Variants in KIF19 observed in about 807,000 individuals in gnomAD.
KIF19 encodes kinesin family member 19.
A neutral mutation model predicts 106.6 loss-of-function variants in KIF19; 98 were observed. The observed-to-expected ratio is 0.92, with a 90% confidence interval of 0.78 to 1.09. The LOEUF is 1.09. KIF19 is among the 50% of genes least tolerant of loss of function. The pLI is 0.00. For missense variants in KIF19, 1,373 were observed against 1,414.3 expected, an observed-to-expected ratio of 0.97 and a Z score of 0.47; for synonymous variants, 516 against 584.2, an observed-to-expected ratio of 0.88 and a Z score of 1.68.
Position 74,353,494 on chromosome 17 carries a change from GC to G in KIF19, c.2225del (p.Pro742ArgfsTer34). ...TCCTCCCAACCACTCCACCCCACAG[GC>G]CCCGGCTCAGGACAGCCTGGGCAGC... The part of the protein sequence containing the change: ...IQLGSLVTQE[A>X]PAQDSLGSWI... On this transcript the variant is annotated frameshift_variant and splice_region_variant, in exon 17 of 20. Coordinates refer to ENST00000389916, the MANE Select transcript of KIF19 (RefSeq NM_153209.4). LOFTEE classifies it high-confidence loss of function. 6.2e-7 allele frequency: 1 copy of G among 1,613,686 alleles called. No homozygotes were observed. Among genetic ancestry groups the G allele is most frequent in the African/African-American group, 1.3e-5 (1 of 75,028 alleles).
chr17:74,334,070 C>G (rs906150831), intron 2 of KIF19, among the ~76,000 whole-genome samples: 1 of 152,100 alleles, frequency 6.6e-6, no homozygotes, highest in Non-Finnish European at 1.5e-5. Flanking sequence ...AGCAATCCTC[C>G]TGCCTTGGCC....
Position 74,350,891 on chromosome 17 carries a change from C to G in KIF19, c.1573C>G (p.Leu525Val). The change falls in exon 12 of 20, where the codon CTG (leucine) becomes GTG (valine). Residue 525 changes from leucine (L) to valine (V), a missense_variant. Coordinates refer to ENST00000389916, the MANE Select transcript of KIF19 (RefSeq NM_153209.4). ...AGCCCTGGTGGACGAGCAGAAGCAACTGCGCAAGCAGAAGGTGTCCAGGGT... is the reference window on the plus strand; with the variant it reads ...AGCCCTGGTGGACGAGCAGAAGCAAGTGCGCAAGCAGAAGGTGTCCAGGGT... ...IAALVDEQKQLRKQKLALEQR... is the reference protein window; with the variant it reads ...IAALVDEQKQVRKQKLALEQR... 6.2e-7 allele frequency: 1 copy of G among 1,613,716 alleles called. No homozygotes were observed. The highest frequency in any genetic ancestry group is 8.5e-7 in the Non-Finnish European group (1 of 1,179,894).
chr17:74,339,508 G>A (rs1049097064), intron 2 of KIF19, among the ~76,000 whole-genome samples: 7 of 150,248 alleles, frequency 4.7e-5, no homozygotes, highest in Non-Finnish European at 1.0e-4. Context: ...TACCTCCCTC[G>A]CCCCCTTCCC....
At chr17:74,353,892 C>T (rs1015068191) in intron 17 of KIF19, among the ~76,000 whole-genome samples, 4 of 152,146 alleles carry the variant, frequency 2.6e-5, no homozygotes, top group South Asian at 2.1e-4. Flanking sequence ...TAGCAAATAT[C>T]GATTCAATGT....
chr17:74,337,129 C>T (rs1262039662), intron 2 of KIF19, among the ~76,000 whole-genome samples: 1 of 152,206 alleles, frequency 6.6e-6, no homozygotes, highest in Admixed American at 6.5e-5. Flanking sequence ...CCACCGTGCC[C>T]GGCAAGAGTG....
chr17:74,342,458 C>A (rs556831289), intron 3 of KIF19, among the ~76,000 whole-genome samples, 172 bp from the exon 4 acceptor site: 100 of 152,264 alleles, frequency 6.6e-4, no homozygotes, highest in African/African-American at 2.3e-3. Flanking sequence ...CTGACGTCCC[C>A]CACTGTGAGT....
Position 74,345,443 on chromosome 17 carries a change from T to A in KIF19, c.777+488T>A, listed in dbSNP as rs530253533. Among the ~76,000 whole-genome samples, 87 of 152,048 alleles carry A rather than the reference T, an allele frequency of 5.7e-4. 1 individual carries two copies. Among genetic ancestry groups the A allele is most frequent in the African/African-American group, 2.0e-3 (84 of 41,480 alleles). On this transcript the variant is annotated intron_variant, in intron 7 of 19. Transcript: ENST00000389916. The stretch of plus-strand genomic sequence containing the variant: ...CAGTCACATCACAAAGAGGAGAAGG[T>A]CCCCGTCACCCATTTCTGGCAGCAT...
At position 74,331,578 on chromosome 17, in the gene KIF19, ATTTT is replaced by A. The variant is rs5822040; in HGVS notation, c.120+3083_120+3086del. Among the ~76,000 whole-genome samples the A allele has an allele frequency of 2.8e-5, 4 of 145,382 alleles. No individual in the cohort carries two copies. The highest frequency in any genetic ancestry group is 4.5e-5 in the Non-Finnish European group (3 of 66,232). ...TGGGGAAGCTGGAGTTCGGATTTGG[ATTTT>A]TTTTTTTTTCTTGTGATGGAGTCTT... On this transcript the variant is annotated intron_variant, in intron 2 of 19. Coordinates refer to ENST00000389916, the MANE Select transcript of KIF19 (RefSeq NM_153209.4). The surrounding 1 kb of genome is among the most constrained non-coding windows in gnomAD (Gnocchi z 4.1).
chr17:74,340,555 G>GCACACGCACACACA, intron 2 of KIF19, among the ~76,000 whole-genome samples: 1 of 148,210 alleles, frequency 6.7e-6, no homozygotes, highest in South Asian at 2.2e-4. Flanking sequence ...ATGCGCGCGC[G>GCACACGCACACACA]TACACACACA....
rs373748715 is a variant in KIF19, at chr17:74,343,235, C to T, written c.456+75C>T. ...CTGGTCACTGTGCAGCTTCCCGGGG[C>T]GCTCATCACTGCTGCCCTCCTGCAT... On this transcript the variant is annotated intron_variant, in intron 5 of 19. Coordinates refer to ENST00000389916, the MANE Select transcript of KIF19 (RefSeq NM_153209.4). 2.8e-5 allele frequency: 40 copies of T among 1,453,316 alleles called. No individual in the cohort carries two copies. In the African/African-American group the frequency reaches 3.6e-4, roughly 13 times the overall value. 90.0% of individuals were successfully genotyped at this position (1,453,316 alleles called of 1,614,324 possible). A position where few individuals can be genotyped will look rare whatever the true frequency, so the allele number is the denominator to read the frequency against.
rs201740394 is a variant in KIF19 at position 74,344,364 on chromosome 17, C to T, written c.582+16C>T. 5 of 1,609,840 alleles carry T rather than the reference C, an allele frequency of 3.1e-6. No individual in the cohort carries two copies. The highest frequency in any genetic ancestry group is 4.2e-6 in the Non-Finnish European group (5 of 1,178,766). ...TGCCAAGGAGGCGAGTTTTGTGTGG[C>T]CAGCCTGGAGCCGCTGAGAGGAAGC... On this transcript the variant is annotated intron_variant, in intron 6 of 19. Transcript: ENST00000389916.
Position 74,347,840 on chromosome 17 carries a change from T to A in KIF19, c.988T>A (p.Phe330Ile). 1 of 1,586,616 alleles carries A rather than the reference T, an allele frequency of 6.3e-7. No homozygotes were observed. The highest frequency in any genetic ancestry group is 8.6e-7 in the Non-Finnish European group (1 of 1,167,018). ...TCACATCAGTCCTGCGAGCAGTGCC[T>A]TCGAGGAGTCCCGGAACACCCTGAC... ...IAHISPASSA[F>I]EESRNTLTYA... Residue 330 changes from phenylalanine (F) to isoleucine (I), a missense_variant, in exon 9 of 20, where the codon TTC (phenylalanine) becomes ATC (isoleucine). By Grantham distance (21) the Phe-to-Ile change is conservative (BLOSUM62 0). Transcript: ENST00000389916.
chr17:74,355,490 T>A lies in KIF19; in HGVS notation c.*178T>A, dbSNP rs2054858760. 1.3e-6 allele frequency: 1 copy of A among 793,932 alleles called. No individual in the cohort carries two copies. Among genetic ancestry groups the A allele is most frequent in the African/African-American group, 1.7e-5 (1 of 57,574 alleles). 49.2% of individuals were successfully genotyped at this position (793,932 alleles called of 1,614,324 possible). A position where few individuals can be genotyped will look rare whatever the true frequency, so the allele number is the denominator to read the frequency against. ...CTGCCCAACCCTCCCATGCTTTCAG[T>A]GCCACTGGGGAAAAGAGGTGAGGCC... On this transcript the variant is annotated 3_prime_UTR_variant, in exon 20 of 20. Coordinates refer to ENST00000389916, the MANE Select transcript of KIF19 (RefSeq NM_153209.4).
intron 1 of KIF19, 139 bp from the exon 2 acceptor site, chr17:74,328,286 A>G (rs2053969258): frequency 1.4e-6 from 1 of 692,078 alleles, no homozygotes; most frequent in South Asian, 1.8e-5. Context: ...CTGCCCTCTG[A>G]CCTAGGTAGA....
At position 74,332,228 on chromosome 17, in the gene KIF19, G is replaced by T. The variant is rs868516068; in HGVS notation, c.120+3723G>T. Among the ~76,000 whole-genome samples the T allele has an allele frequency of 6.4e-3, 803 of 126,400 alleles. 8 individuals carry two copies. Among genetic ancestry groups the T allele is most frequent in the Admixed American group, 0.012 (160 of 13,298 alleles). 82.9% of individuals were successfully genotyped at this position (126,400 alleles called of 152,430 possible). ...TGTGTGTTTGTGTGTGTGTGTGTGT[G>T]TGTGTGTGTGTGTGTGTTCCTGGAA... is the stretch of plus-strand genomic sequence containing the variant. On this transcript the variant is annotated intron_variant, in intron 2 of 19. Coordinates refer to ENST00000389916, the MANE Select transcript of KIF19 (RefSeq NM_153209.4).
rs754744744 is a variant in KIF19 at position 74,351,986 on chromosome 17, G to A, written c.1707G>A (p.Val569=). 5 of 1,538,336 alleles carry A rather than the reference G, an allele frequency of 3.3e-6. No individual in the cohort carries two copies. The South Asian group carries it at 6.0e-5, about 18-fold the overall frequency. ...AGGTGCTCAGCCTGCTGTGCCGCGT[G>A]CACGAGCTCGAGGTGGAGAACACCG... ...QREVLSLLCR[V]HELEVENTEM... is the part of the protein sequence containing the mutation. The change falls in exon 13 of 20, where the codon GTG becomes GTA. Residue 569 remains valine, a synonymous_variant. Transcript: ENST00000389916.
chr17:74,332,786 C>T (rs908585720), intron 2 of KIF19, among the ~76,000 whole-genome samples: 6 of 152,160 alleles, frequency 3.9e-5, no homozygotes, highest in Non-Finnish European at 8.8e-5. Flanking sequence ...CCTGAGCTCC[C>T]GAGAACAGAG....
chr17:74,336,588 T>G (rs192560958), intron 2 of KIF19, among the ~76,000 whole-genome samples: 1 of 152,294 alleles, frequency 6.6e-6, no homozygotes, highest in African/African-American at 2.4e-5. Context: ...CTTCACAACA[T>G]GAAATCTCGG....
intron 6 of KIF19, 53 bp from the exon 7 acceptor site, chr17:74,344,708 G>A (rs1193079301): frequency 6.5e-7 from 1 of 1,550,282 alleles, no homozygotes; most frequent in Non-Finnish European, 8.8e-7. Flanking sequence ...GCTCCTCTCT[G>A]CCGGAGCACC....
Sources: allele counts gnomAD v4.1 joint callset (sites outside exome capture counted in the v4.1 genomes callset), GRCh38; gene constraint gnomAD v4.1.1; non-coding constraint Gnocchi (gnomAD v3.1); transcripts MANE v1.5; gene names NCBI Gene and HGNC (gene_info 2026-07-23, HGNC 2026-07-21).